Variants in PPM1E observed in about 807,000 individuals in gnomAD.
PPM1E encodes the protein protein phosphatase, Mg2+/Mn2+ dependent 1E, also known as protein phosphatase 1E.
A neutral mutation model predicts 65.9 loss-of-function variants in PPM1E; 20 were observed. The observed-to-expected ratio is 0.30, with a 90% CI of 0.21 to 0.44. The LOEUF is 0.44. Among genes scored for constraint, PPM1E ranks in the 20% least tolerant of loss-of-function variants. PPM1E has a pLI of 1.00. For missense variants in PPM1E, 713 were observed against 953.1 expected, an observed-to-expected ratio of 0.75 and a Z score of 3.32; for synonymous variants, 352 against 374.9, an observed-to-expected ratio of 0.94 and a Z score of 0.70.
chr17:58,844,270 T>C (rs1450240934), intron 1 of PPM1E, among the ~76,000 whole-genome samples: 3 of 152,118 alleles, frequency 2.0e-5, no homozygotes. Context: ...TTTTAAAAGT[T>C]ACCAATGTTT....
Position 58,896,830 on chromosome 17 carries a change from G to A in PPM1E, c.465-58819G>A, listed in dbSNP as rs114438275. Among the ~76,000 whole-genome samples the A allele has an allele frequency of 9.4e-3, 1,428 of 152,224 alleles. 21 individuals carry two copies. The highest frequency in any genetic ancestry group is 0.032 in the African/African-American group (1,337 of 41,526). ...TCTATTGAAAGAAGATGCTATCTGG[G>A]ACTTTCATAACTACAGAGGATAAGT... On this transcript the variant is annotated intron_variant, in intron 1 of 6. Transcript: ENST00000308249.
chr17:58,757,666 A>C (rs2049782179), intron 1 of PPM1E, among the ~76,000 whole-genome samples: 1 of 152,252 alleles, frequency 6.6e-6, no homozygotes, highest in South Asian at 2.1e-4. Context: ...CATCCAAGCT[A>C]ATAGACACCT....
chr17:58,820,545 G>A (rs987474644), intron 1 of PPM1E, among the ~76,000 whole-genome samples: 20 of 152,174 alleles, frequency 1.3e-4, no homozygotes, highest in African/African-American at 4.6e-4. Flanking sequence ...TGTAAAAGAC[G>A]TGGTTGAAGT....
intron 1 of PPM1E, among the ~76,000 whole-genome samples, chr17:58,949,948 C>T (rs1042147790): frequency 2.6e-5 from 4 of 152,118 alleles, no homozygotes; most frequent in Admixed American, 2.0e-4. Context: ...CTCTCCTGGC[C>T]TGTGAAGTTT....
intron 1 of PPM1E, among the ~76,000 whole-genome samples, chr17:58,860,143 A>G (rs908007221): frequency 6.6e-6 from 1 of 152,226 alleles, no homozygotes; most frequent in Non-Finnish European, 1.5e-5. Context: ...GATGGAAACT[A>G]AATGATCTTA....
chr17:58,931,558 G>A (rs749725626), intron 1 of PPM1E, among the ~76,000 whole-genome samples: 14 of 151,978 alleles, frequency 9.2e-5, no homozygotes, highest in Non-Finnish European at 1.9e-4. Flanking sequence ...GCACAACCTA[G>A]TCATGTTATT....
At chr17:58,915,468 G>A (rs964953348) in intron 1 of PPM1E, among the ~76,000 whole-genome samples, 4 of 152,080 alleles carry the variant, frequency 2.6e-5, no homozygotes, top group African/African-American at 9.7e-5. Context: ...GTCTTGTGCC[G>A]ACCTCCTCTC....
intron 1 of PPM1E, among the ~76,000 whole-genome samples, chr17:58,888,612 C>A (rs2051309712): frequency 6.6e-6 from 1 of 152,054 alleles, no homozygotes; most frequent in Admixed American, 6.6e-5. Flanking sequence ...CTTGCCTTGG[C>A]CTCCCAAAGT....
chr17:58,833,125 T>C (rs916959245), intron 1 of PPM1E, among the ~76,000 whole-genome samples: 26 of 151,800 alleles, frequency 1.7e-4, no homozygotes, highest in African/African-American at 6.3e-4. Context: ...TAAAAAAAAA[T>C]GTTTGGGGGA....
rs904232639 is a variant in PPM1E at position 58,780,477 on chromosome 17, G to A, written c.464+24016G>A. The stretch of plus-strand genomic sequence containing the variant: ...ATTTTAATTTTTGCCAATCTGATGA[G>A]CAAGAAAGATACATTTGATTTGAAT... On this transcript the variant is annotated intron_variant, in intron 1 of 6. Coordinates refer to ENST00000308249, the MANE Select transcript of PPM1E (RefSeq NM_014906.5). Among the ~76,000 whole-genome samples, 83 of 152,316 alleles carry A rather than the reference G, an allele frequency of 5.4e-4. 1 individual carries two copies. The highest frequency in any genetic ancestry group is 5.4e-3 in the Admixed American group (82 of 15,288).
rs376152093 is a variant in PPM1E, at chr17:58,925,300, GT to G, written c.465-30340del. On this transcript the variant is annotated intron_variant, in intron 1 of 6. Coordinates refer to ENST00000308249, the MANE Select transcript of PPM1E (RefSeq NM_014906.5). ...TGGTGTGAGATGGTATCTCATTGTG[GT>G]TTTTTTTTGCGTTTCTCTAATCATT... 1.8e-3 allele frequency among the ~76,000 whole-genome samples: 271 copies of G among 149,726 alleles called. 3 individuals carry two copies. The highest frequency in any genetic ancestry group is 0.017 in the Middle Eastern group (5 of 290).
chr17:58,771,497 G>A (rs547008820), intron 1 of PPM1E, among the ~76,000 whole-genome samples: 4 of 151,758 alleles, frequency 2.6e-5, no homozygotes, highest in East Asian at 1.9e-4. Context: ...GGTGACGGGC[G>A]CCTGTTGTCC....
chr17:58,816,743 T>A (rs1218598625), intron 1 of PPM1E, among the ~76,000 whole-genome samples: 7 of 11,782 alleles, frequency 5.9e-4, no homozygotes, highest in African/African-American at 1.1e-3. Flanking sequence ...AGAATATAAA[T>A]ATATATATAT....
chr17:58,944,352 C>T (rs772526169), intron 1 of PPM1E, among the ~76,000 whole-genome samples: 1 of 152,212 alleles, frequency 6.6e-6, no homozygotes, highest in Non-Finnish European at 1.5e-5. Context: ...CACTGCTTCA[C>T]ATGACTTGCC....
At chr17:58,969,861 T>C (rs2030482201) in intron 4 of PPM1E, 134 bp downstream of exon 4, 3 of 821,688 alleles carry the variant, frequency 3.7e-6, no homozygotes, top group Non-Finnish European at 5.6e-6. Context: ...ACTCACAGTA[T>C]TGGATTCTGT....
At chr17:58,877,038 C>T (rs1349972672) in intron 1 of PPM1E, among the ~76,000 whole-genome samples, 4 of 152,346 alleles carry the variant, frequency 2.6e-5, no homozygotes, top group East Asian at 3.9e-4. Flanking sequence ...CCGCCTCGGC[C>T]TCCCAAAGTG....
intron 1 of PPM1E, among the ~76,000 whole-genome samples, chr17:58,865,666 T>C (rs1389083836): frequency 6.6e-6 from 1 of 152,112 alleles, no homozygotes; most frequent in Non-Finnish European, 1.5e-5. Context: ...CAGCCACTGC[T>C]CTCCAGACTG....
At chr17:58,927,659 C>T (rs1234050704) in intron 1 of PPM1E, among the ~76,000 whole-genome samples, 1 of 152,050 alleles carries the variant, frequency 6.6e-6, no homozygotes, top group Non-Finnish European at 1.5e-5. Flanking sequence ...CCTGTAATCC[C>T]AGTATTTTGG....
At position 58,756,258 on chromosome 17, in the gene PPM1E, C is replaced by G. The variant is rs1327024946; in HGVS notation, c.261C>G (p.Pro87=). ...GGGACCAGGAGCAAGACCCGGAGCC[C>G]GAGGAGGAGGCGGCGGTTGAGGGTG... ...EEGDQEQDPE[P]EEEAAVEGEE... is the part of the protein sequence containing the mutation. The change falls in exon 1 of 7, where the codon CCC becomes CCG. Residue 87 remains proline, a synonymous_variant. Coordinates refer to ENST00000308249, the MANE Select transcript of PPM1E (RefSeq NM_014906.5). 4 of 1,549,860 alleles carry G rather than the reference C, an allele frequency of 2.6e-6. No individual in the cohort carries two copies. Among genetic ancestry groups the G allele is most frequent in the Non-Finnish European group, 2.6e-6 (3 of 1,146,424 alleles).
Sources: gnomAD v4.1 joint callset for allele counts (sites outside exome capture counted in the v4.1 genomes callset) on GRCh38, gnomAD v4.1.1 for gene constraint, MANE v1.5 for transcripts, NCBI Gene and HGNC (gene_info 2026-07-23, HGNC 2026-07-21) for gene names.